Variants in HERC5 observed in about 807,000 individuals in gnomAD.
HERC5 encodes HECT and RLD domain containing E3 ubiquitin protein ligase 5, also known as E3 ISG15--protein ligase HERC5.
In HERC5, 99 loss-of-function variants were observed where a neutral mutation model predicts 119.6. The ratio of observed to expected loss-of-function variants is 0.83; its 90% confidence interval spans 0.70 to 0.98. HERC5 has a LOEUF of 0.98. HERC5 is among the 50% of genes least tolerant of loss of function. HERC5 has a pLI of 0.00. For synonymous variants in HERC5, 478 were observed against 445.9 expected (o/e 1.07, Z -0.91); for missense variants, 1,267 against 1,241.3 (o/e 1.02, Z -0.31).
intron 12 of HERC5, among the ~76,000 whole-genome samples, chr4:88,477,511 C>T (rs1271040129): frequency 2.8e-4 from 21 of 74,738 alleles, no homozygotes; most frequent in African/African-American, 9.3e-4. Context: ...GGGAAGGGAA[C>T]GGAAAGGAAG....
In HERC5 at chr4:88,467,170, A is replaced by G. The variant is rs887281764; in HGVS notation, c.1023A>G (p.Pro341=). The G allele has an allele frequency of 1.2e-6, 2 of 1,614,234 alleles. No homozygotes were observed. Among genetic ancestry groups the G allele is most frequent in the Admixed American group, 1.7e-5 (1 of 60,032 alleles). Residue 341 remains proline (P), a synonymous_variant, in exon 7 of 23, where the codon CCA becomes CCG. Transcript: ENST00000264350. The part of the protein sequence containing the change: ...GGTRDQLMPL[P]VKVSSSEELK... ...CACGTGACCAGCTGATGCCGCTTCC[A>G]GTGAAAGTATCATCAAGTGAAGAAC...
At chr4:88,460,889 G>T (rs918063311) in intron 3 of HERC5, among the ~76,000 whole-genome samples, 4 of 151,948 alleles carry the variant, frequency 2.6e-5, no homozygotes, top group Admixed American at 2.6e-4. Context: ...ACTTGGGAGG[G>T]TGAGGCAGGA....
chr4:88,503,610 A>G (rs897661994), intron 20 of HERC5, among the ~76,000 whole-genome samples: 3 of 152,142 alleles, frequency 2.0e-5, no homozygotes, highest in African/African-American at 7.2e-5. Context: ...TAGTAAATGT[A>G]CTTTTCTATC....
At chr4:88,493,481 G>A (rs1295373592) in intron 17 of HERC5, among the ~76,000 whole-genome samples, 2 of 152,180 alleles carry the variant, frequency 1.3e-5, no homozygotes, top group Non-Finnish European at 2.9e-5. Context: ...GACAAAGGCT[G>A]TGGAAAGAAA....
Position 88,457,509 on chromosome 4 carries a change from C to G in HERC5, c.240C>G (p.Ala80=), listed in dbSNP as rs755238030. The G allele has an allele frequency of 7.8e-7, 1 of 1,282,848 alleles. No individual in the cohort carries two copies. The highest frequency in any genetic ancestry group is 9.9e-7 in the Non-Finnish European group (1 of 1,015,026). 79.5% of individuals were successfully genotyped at this position (1,282,848 alleles called of 1,614,324 possible). The change falls in exon 1 of 23, where the codon GCC becomes GCG. Residue 80 remains alanine, a synonymous_variant. Coordinates refer to ENST00000264350, the MANE Select transcript of HERC5 (RefSeq NM_016323.4). ...GAGVQVHQLL[A]GSGGARTPKC... Reference sequence around the variant, plus strand: ...GCGTCCAGGTTCACCAGCTGCTCGCCGGGAGCGGCGGCGCCCGGACGCCGA... The same window carrying G: ...GCGTCCAGGTTCACCAGCTGCTCGCGGGGAGCGGCGGCGCCCGGACGCCGA...
At chr4:88,492,250 C>T (rs1032487580) in intron 16 of HERC5, among the ~76,000 whole-genome samples, 1 of 151,822 alleles carries the variant, frequency 6.6e-6, no homozygotes, top group African/African-American at 2.4e-5. Context: ...ATGATCCGCC[C>T]ACCTCGGCCT....
At position 88,475,850 on chromosome 4, in the gene HERC5, T is replaced by G. The variant is rs774249953; in HGVS notation, c.1402T>G (p.Cys468Gly). 36 of 1,613,834 alleles carry G rather than the reference T, an allele frequency of 2.2e-5. No individual in the cohort carries two copies. The highest frequency in any genetic ancestry group is 3.3e-5 in the Admixed American group (2 of 59,974). The part of the protein sequence containing the change: ...KDWITNMITT[C>G]LKDNLLKRLP... Reference sequence around the variant, plus strand: ...TCCTTTCTGACCACAGATAACCACCTGCCTCAAAGATAATCTGCTCAAAAG... The same window carrying G: ...TCCTTTCTGACCACAGATAACCACCGGCCTCAAAGATAATCTGCTCAAAAG... Residue 468 changes from cysteine to glycine, a missense_variant, in exon 12 of 23, where the codon TGC (cysteine) becomes GGC (glycine). Transcript: ENST00000264350.
At chr4:88,469,980 G>A (rs1018980968) in intron 9 of HERC5, among the ~76,000 whole-genome samples, 1 of 152,130 alleles carries the variant, frequency 6.6e-6, no homozygotes, top group African/African-American at 2.4e-5. Context: ...CCATTAGTTT[G>A]TGTACCTGTT....
chr4:88,504,263 A>G lies in HERC5; in HGVS notation c.2614A>G (p.Ile872Val), dbSNP rs769492725. 9 of 1,606,692 alleles carry G rather than the reference A, an allele frequency of 5.6e-6. No homozygotes were observed. In the East Asian group the frequency reaches 1.8e-4, roughly 32 times the overall value. The change falls in exon 21 of 23, where the codon ATT becomes GTT. Residue 872 changes from isoleucine (I) to valine (V), a missense_variant. Physicochemically the swap from Ile to Val is conservative, Grantham distance 29 (BLOSUM62 3). This residue lies in a region of HERC5 where 473 missense variants were observed against 445.7 expected (regional missense o/e 1.06). Transcript: ENST00000264350. ...CTATGTTTCTAAGTATATCAATTACATTTTCAACGACTCTGTAAAGGCGGT... is the reference window on the plus strand; with the variant it reads ...CTATGTTTCTAAGTATATCAATTACGTTTTCAACGACTCTGTAAAGGCGGT... ...RDYVSKYINY[I>V]FNDSVKAVYE... is the part of the protein sequence containing the mutation.
At chr4:88,505,001 A>G (rs1460483991) in intron 22 of HERC5, among the ~76,000 whole-genome samples, 1 of 152,236 alleles carries the variant, frequency 6.6e-6, no homozygotes, top group Non-Finnish European at 1.5e-5. Context: ...AGGCTTAATG[A>G]CTTTCTCATT....
At position 88,505,932 on chromosome 4, in the gene HERC5, G is replaced by A; in HGVS notation, c.*54G>A. ...TGTTGTTGTTATCGTTGTTGTTGTT[G>A]TTGTTGTTGTTGTTTCTCTACTTTG... On this transcript the variant is annotated 3_prime_UTR_variant, in exon 23 of 23. Transcript: ENST00000264350. The A allele has an allele frequency of 7.4e-7, 1 of 1,357,268 alleles. No homozygotes were observed. The highest frequency in any genetic ancestry group is 1.0e-6 in the Non-Finnish European group (1 of 978,508). The allele number at this position is 1,357,268 out of a possible 1,614,324, so 84.1% of individuals were successfully genotyped here.
At chr4:88,476,080 C>T (rs1339200615) in intron 12 of HERC5, 50 bp downstream of exon 12, 1 of 1,458,610 alleles carries the variant, frequency 6.9e-7, no homozygotes, top group South Asian at 1.2e-5. Context: ...AGTGGAAAGA[C>T]ATGTCTAGTA....
In HERC5 at chr4:88,487,184, G is replaced by A. The variant is rs1298513751; in HGVS notation, c.1962+5G>A. 4 of 1,432,812 alleles carry A rather than the reference G, an allele frequency of 2.8e-6. No individual in the cohort carries two copies. The highest frequency in any genetic ancestry group is 3.9e-6 in the Non-Finnish European group (4 of 1,017,178). 88.8% of individuals were successfully genotyped at this position (1,432,812 alleles called of 1,614,324 possible). A position where few individuals can be genotyped will look rare whatever the true frequency, so the allele number is the denominator to read the frequency against. ...GACACACTTTTAAAAATAGAGGTAT[G>A]TATGCCTATTTGTCTTCATTAGCAT... On this transcript the variant is annotated splice_donor_5th_base_variant and intron_variant, in intron 15 of 22. Transcript: ENST00000264350.
chr4:88,476,066 T>C (rs1021458321), intron 12 of HERC5, 36 bp downstream of exon 12: 1 of 1,534,804 alleles, frequency 6.5e-7, no homozygotes, highest in Non-Finnish European at 8.9e-7. Context: ...TTACCTGTCT[T>C]CTCAGTGGAA....
intron 6 of HERC5, 151 bp from the exon 7 acceptor site, chr4:88,466,908 G>A: frequency 1.3e-6 from 1 of 778,370 alleles, no homozygotes; most frequent in East Asian, 2.5e-5. Flanking sequence ...GGTACATGTT[G>A]ATTTCTTGGT....
intron 6 of HERC5, 63 bp from the exon 7 acceptor site, chr4:88,466,995 AT>A (rs1740691785): frequency 9.8e-6 from 15 of 1,534,032 alleles, no homozygotes; most frequent in Non-Finnish European, 1.3e-5. Flanking sequence ...AATTTACTGT[AT>A]TGCTAAACAC....
chr4:88,479,231 G>T, intron 12 of HERC5, 122 bp from the exon 13 acceptor site: 1 of 617,042 alleles, frequency 1.6e-6, no homozygotes, highest in African/African-American at 1.9e-5. Flanking sequence ...GATGTAGTGA[G>T]CTGAGATCGT....
intron 6 of HERC5, 146 bp from the exon 7 acceptor site, chr4:88,466,913 C>T (rs924994502): frequency 2.5e-6 from 2 of 798,336 alleles, no homozygotes; most frequent in Admixed American, 5.2e-5. Flanking sequence ...ATGTTGATTT[C>T]TTGGTTTCCA....
intron 15 of HERC5, 122 bp downstream of exon 15, chr4:88,487,301 A>C: frequency 1.7e-6 from 1 of 579,308 alleles, no homozygotes; most frequent in Non-Finnish European, 3.1e-6. Context: ...GTGGCATTCA[A>C]GGAGCTTATA....
Sources: allele counts gnomAD v4.1 joint callset (sites outside exome capture counted in the v4.1 genomes callset), GRCh38; gene constraint gnomAD v4.1.1; regional missense constraint gnomAD v4.1.1; transcripts MANE v1.5; gene names NCBI Gene and HGNC (gene_info 2026-07-23, HGNC 2026-07-21).